ANKRD6: variants seen among roughly 807,000 people sequenced by gnomAD.
ANKRD6 encodes the protein ankyrin repeat domain-containing protein 6.
In ANKRD6, 56 loss-of-function variants were observed where a neutral mutation model predicts 82.3. The observed-to-expected ratio is 0.68, with a 90% CI of 0.55 to 0.85. The LOEUF (loss-of-function observed/expected upper bound fraction) is 0.85, where lower values mean the gene tolerates loss of function less well. Ranked by LOEUF, ANKRD6 falls within the 40% of genes least tolerant of loss-of-function variation. The pLI, the probability that ANKRD6 is intolerant of heterozygous loss-of-function variation, is 0.00. For missense variants in ANKRD6, 852 were observed against 907.6 expected (o/e 0.94, Z 0.79); for synonymous variants, 347 against 352.1 (o/e 0.99, Z 0.16).
intron 1 of ANKRD6, among the ~76,000 whole-genome samples, chr6:89,462,865 G>GTTTTTTT (rs751083567): frequency 3.9e-5 from 5 of 127,502 alleles, no homozygotes; most frequent in African/African-American, 2.9e-5. Context: ...TGAGTTTTTA[G>GTTTTTTT]TTTTTTTTTT....
intron 1 of ANKRD6, among the ~76,000 whole-genome samples, chr6:89,525,684 G>T (rs1337972020): frequency 2.0e-5 from 3 of 152,218 alleles, no homozygotes; most frequent in Non-Finnish European, 4.4e-5. Context: ...TAGGGGAAAA[G>T]CTATACATAG....
chr6:89,515,781 T>C (rs551922636), intron 1 of ANKRD6, among the ~76,000 whole-genome samples: 24 of 152,190 alleles, frequency 1.6e-4, no homozygotes, highest in African/African-American at 5.8e-4. Context: ...CCTGGATTAC[T>C]AGGGTAGGAT....
intron 2 of ANKRD6, among the ~76,000 whole-genome samples, chr6:89,591,758 C>T (rs886821600): frequency 6.6e-6 from 1 of 152,192 alleles, no homozygotes; most frequent in African/African-American, 2.4e-5. Context: ...AGAGGGTGGG[C>T]CTTGTGCTAG....
intron 1 of ANKRD6, among the ~76,000 whole-genome samples, chr6:89,450,020 C>T (rs1772611849): frequency 6.6e-6 from 1 of 152,104 alleles, no homozygotes. Flanking sequence ...ACAGCTGTTA[C>T]ATGCGACAGA....
At position 89,631,235 on chromosome 6, in the gene ANKRD6, A is replaced by G; in HGVS notation, c.*231A>G. ...CTTGCTTAGTTTTGGGTTTCATTAT[A>G]AACTCTTAGCCTCAGTCCAGGTTAA... On this transcript the variant is annotated 3_prime_UTR_variant, in exon 16 of 16. Transcript: ENST00000339746. The G allele has an allele frequency of 4.3e-6, 3 of 697,952 alleles. No homozygotes were observed. The highest frequency in any genetic ancestry group is 6.2e-6 in the Non-Finnish European group (3 of 486,062). 43.2% of individuals were successfully genotyped at this position (697,952 alleles called of 1,614,324 possible).
chr6:89,491,273 C>G lies in ANKRD6; in HGVS notation c.-144+57898C>G, dbSNP rs959806510. ...TCTGGATTTTCATAGGCCGAAATTA[C>G]AGAAGGGATGGTGTTGGGATTCAGG... On this transcript the variant is annotated intron_variant, in intron 1 of 15. Coordinates refer to ENST00000339746, the MANE Select transcript of ANKRD6 (RefSeq NM_001242809.2). 4.6e-5 allele frequency among the ~76,000 whole-genome samples: 7 copies of G among 152,198 alleles called. 2 individuals carry two copies. Among genetic ancestry groups the G allele is most frequent in the Admixed American group, 4.6e-4 (7 of 15,278 alleles).
chr6:89,435,684 T>C (rs1582560743), intron 1 of ANKRD6, among the ~76,000 whole-genome samples: 1 of 152,170 alleles, frequency 6.6e-6, no homozygotes, highest in East Asian at 1.9e-4. Flanking sequence ...TCTTCCAACA[T>C]AGATTGATGG....
intron 3 of ANKRD6, among the ~76,000 whole-genome samples, chr6:89,596,830 A>G (rs1796026293): frequency 1.3e-5 from 2 of 152,260 alleles, no homozygotes; most frequent in Admixed American, 6.5e-5. Context: ...TTGATAATAC[A>G]GTTGAAAACT....
chr6:89,480,987 A>G (rs1197386686), intron 1 of ANKRD6, among the ~76,000 whole-genome samples: 3 of 151,142 alleles, frequency 2.0e-5, no homozygotes, highest in Admixed American at 6.6e-5. Flanking sequence ...AGTTATATGT[A>G]TTTTAAATAT....
chr6:89,577,361 C>CA (rs560449217), intron 2 of ANKRD6, among the ~76,000 whole-genome samples: 41 of 152,012 alleles, frequency 2.7e-4, no homozygotes, highest in Admixed American at 5.9e-4. Context: ...GATACTAAAA[C>CA]AAAAAAATGG....
chr6:89,503,493 C>T (rs1192045015), intron 1 of ANKRD6, among the ~76,000 whole-genome samples: 1 of 152,100 alleles, frequency 6.6e-6, no homozygotes, highest in Non-Finnish European at 1.5e-5. Flanking sequence ...TGAGTTTGGC[C>T]CCTTGTACTG....
chr6:89,612,486 G>A, intron 6 of ANKRD6, 116 bp downstream of exon 6: 1 of 1,088,860 alleles, frequency 9.2e-7, no homozygotes, highest in Middle Eastern at 2.1e-4. Flanking sequence ...AAAGTATTTG[G>A]GGACTATCTC....
At chr6:89,596,509 AG>A (rs987722874) in intron 3 of ANKRD6, among the ~76,000 whole-genome samples, 6 of 152,046 alleles carry the variant, frequency 3.9e-5, no homozygotes, top group Non-Finnish European at 8.8e-5. Flanking sequence ...CAAGTTGGGG[AG>A]TTGGGGGAAG....
chr6:89,603,094 C>A lies in ANKRD6; in HGVS notation c.285C>A (p.Ile95=). Residue 95 remains isoleucine, a synonymous_variant, in exon 4 of 16, where the codon ATC becomes ATA. Transcript: ENST00000339746. ...ACACGGAGATCATCGCGGCGCTCAT[C>A]CACGAAGGGTGTGCCCTGGACAGAC... The part of the protein sequence containing the change: ...VGNTEIIAAL[I]HEGCALDRQD... The A allele has an allele frequency of 6.2e-7, 1 of 1,607,382 alleles. No individual in the cohort carries two copies.
intron 9 of ANKRD6, chr6:89,618,349 A>G: frequency 1.6e-6 from 1 of 609,008 alleles, no homozygotes; most frequent in Non-Finnish European, 2.9e-6. Flanking sequence ...GGACAGGGCC[A>G]TGATTGCAGA....
intron 4 of ANKRD6, among the ~76,000 whole-genome samples, 167 bp downstream of exon 4, chr6:89,603,294 A>G (rs1797669348): frequency 6.7e-6 from 1 of 149,128 alleles, no homozygotes; most frequent in Admixed American, 6.7e-5. Context: ...CCTTTGAAAC[A>G]CTATCTGGTA....
intron 1 of ANKRD6, among the ~76,000 whole-genome samples, chr6:89,561,723 C>T (rs945393312): frequency 1.3e-5 from 2 of 152,164 alleles, no homozygotes; most frequent in Non-Finnish European, 2.9e-5. Flanking sequence ...ATCACAGTAA[C>T]CCAGTAGTGA....
At chr6:89,566,725 T>A in intron 1 of ANKRD6, 109 bp from the exon 2 acceptor site, 1 of 416,274 alleles carries the variant, frequency 2.4e-6, no homozygotes. Flanking sequence ...ACAGCTACCC[T>A]CCCCTGCAAC....
intron 2 of ANKRD6, among the ~76,000 whole-genome samples, chr6:89,586,865 C>G (rs930906945): frequency 2.0e-5 from 3 of 152,052 alleles, no homozygotes; most frequent in Non-Finnish European, 4.4e-5. Flanking sequence ...TAGAAGGAAG[C>G]CCAACCCTAG....
Sources: gnomAD v4.1 joint callset for allele counts (sites outside exome capture counted in the v4.1 genomes callset) on GRCh38, gnomAD v4.1.1 for gene constraint, MANE v1.5 for transcripts, NCBI Gene and HGNC (gene_info 2026-07-23, HGNC 2026-07-21) for gene names.